ANKHD1: variants seen among roughly 807,000 people sequenced by gnomAD.
ANKHD1 encodes ankyrin repeat and KH domain containing 1.
In ANKHD1, 31 loss-of-function variants were observed where a neutral mutation model predicts 230.5. That is an observed-to-expected ratio of 0.13 (90% CI 0.10 to 0.18). The LOEUF (loss-of-function observed/expected upper bound fraction) is 0.18. Ranked by LOEUF, ANKHD1 falls within the 10% of genes least tolerant of loss-of-function variation. ANKHD1 has a pLI of 1.00. For synonymous variants in ANKHD1, 1,074 were observed against 1,117.6 expected, an observed-to-expected ratio of 0.96 and a Z score of 0.78; for missense variants, 2,256 against 3,071.3, an observed-to-expected ratio of 0.73 and a Z score of 6.27.
Position 140,429,610 on chromosome 5 carries a change from G to A in ANKHD1, c.307-6494G>A, listed in dbSNP as rs150929144. ...CCTGCATTGTATGACCACAGGACTAGAGAATACATAAACAAATATATGTAA... is the reference window on the plus strand; with the variant it reads ...CCTGCATTGTATGACCACAGGACTAAAGAATACATAAACAAATATATGTAA... On this transcript the variant is annotated intron_variant, in intron 1 of 33. Transcript: ENST00000360839. 6.6e-5 allele frequency among the ~76,000 whole-genome samples: 10 copies of A among 152,178 alleles called. No homozygotes were observed. The East Asian group carries it at 1.9e-3, about 29-fold the overall frequency.
chr5:140,507,158 C>T lies in ANKHD1; in HGVS notation c.3551+181C>T, dbSNP rs1191496931. ...ATCTCAGCTTATTTCAGTAATGTGG[C>T]TGCTTATAAAGAGGTCTCATTTCAA... On this transcript the variant is annotated intron_variant, in intron 19 of 33. Transcript: ENST00000360839. This position sits in a 1 kb window ranked among gnomAD's most constrained non-coding sequence, Gnocchi z 4.1. Among the ~76,000 whole-genome samples, 1 of 152,122 alleles carries T rather than the reference C, an allele frequency of 6.6e-6. No homozygotes were observed. The highest frequency in any genetic ancestry group is 1.9e-4 in the East Asian group (1 of 5,208).
chr5:140,523,258 C>T (rs1753443468), intron 24 of ANKHD1, among the ~76,000 whole-genome samples: 1 of 151,464 alleles, frequency 6.6e-6, no homozygotes, highest in Non-Finnish European at 1.5e-5. Flanking sequence ...AGGCATAGGT[C>T]ACCATGCCTG....
chr5:140,460,808 A>G (rs1189147789), intron 9 of ANKHD1, among the ~76,000 whole-genome samples: 1 of 152,190 alleles, frequency 6.6e-6, no homozygotes, highest in African/African-American at 2.4e-5. Flanking sequence ...GATGTGAACT[A>G]CCACACCCGG....
chr5:140,407,341 T>C (rs955124571), intron 1 of ANKHD1, among the ~76,000 whole-genome samples: 1 of 151,562 alleles, frequency 6.6e-6, no homozygotes, highest in African/African-American at 2.4e-5. Flanking sequence ...TTATTTTAAA[T>C]TTTTATTTAT....
At chr5:140,451,188 C>G (rs182133249) in intron 7 of ANKHD1, among the ~76,000 whole-genome samples, 1 of 151,570 alleles carries the variant, frequency 6.6e-6, no homozygotes. Flanking sequence ...CAAAAAACTT[C>G]AAAAATTCAA....
intron 29 of ANKHD1, among the ~76,000 whole-genome samples, chr5:140,531,718 G>A (rs1285841448): frequency 2.0e-5 from 3 of 152,094 alleles, no homozygotes; most frequent in Admixed American, 6.6e-5. Flanking sequence ...AAAGTTAGAC[G>A]TTAAGAGTGA....
At chr5:140,419,853 TTTTTCTTTC>T (rs1201642978) in intron 1 of ANKHD1, among the ~76,000 whole-genome samples, 4 of 144,150 alleles carry the variant, frequency 2.8e-5, no homozygotes, top group Admixed American at 7.0e-5. Flanking sequence ...TCTCTTTCTT[TTTTTCTTTC>T]TTTTCTTTCT....
chr5:140,425,005 AG>A (rs1772287962), intron 1 of ANKHD1, among the ~76,000 whole-genome samples: 1 of 152,248 alleles, frequency 6.6e-6, no homozygotes, highest in Non-Finnish European at 1.5e-5. Context: ...TATTAATGGT[AG>A]CCTATTATGT....
intron 1 of ANKHD1, among the ~76,000 whole-genome samples, chr5:140,407,262 T>C (rs1581197138): frequency 7.9e-6 from 1 of 126,914 alleles, no homozygotes. Flanking sequence ...GTCACTGCAC[T>C]CCAGCCTGGG....
Position 140,459,158 on chromosome 5 carries a change from T to A in ANKHD1, c.1481-6T>A. The A allele has an allele frequency of 6.3e-7, 1 of 1,575,360 alleles. No homozygotes were observed. Among genetic ancestry groups the A allele is most frequent in the Non-Finnish European group, 8.6e-7 (1 of 1,160,230 alleles). On this transcript the variant is annotated splice_region_variant and splice_polypyrimidine_tract_variant and intron_variant, in intron 8 of 33. Coordinates refer to ENST00000360839, the MANE Select transcript of ANKHD1 (RefSeq NM_017747.3). ...ACTAATTTTATCTGTTTTTATACTT[T>A]CCTAGGAGCAAATATAAATGCCCAG...
chr5:140,526,909 G>A lies in ANKHD1; in HGVS notation c.4941-19G>A. On this transcript the variant is annotated intron_variant, in intron 26 of 33. Coordinates refer to ENST00000360839, the MANE Select transcript of ANKHD1 (RefSeq NM_017747.3). Reference sequence around the variant, plus strand: ...TTAAAACTTATCTTTTATTGTACTTGCTATTTGTCTCTTCTTAGACTTGAA... The same window carrying A: ...TTAAAACTTATCTTTTATTGTACTTACTATTTGTCTCTTCTTAGACTTGAA... 2 of 1,599,926 alleles carry A rather than the reference G, an allele frequency of 1.3e-6. No homozygotes were observed. The highest frequency in any genetic ancestry group is 1.7e-6 in the Non-Finnish European group (2 of 1,175,146).
At chr5:140,531,367 G>C (rs760401893) in intron 29 of ANKHD1, 3 of 371,670 alleles carry the variant, frequency 8.1e-6, no homozygotes, top group South Asian at 5.7e-5. Context: ...GTTTACATGA[G>C]GTCAGGAGTT....
Position 140,435,815 on chromosome 5 carries a change from G to C in ANKHD1, c.307-289G>C, listed in dbSNP as rs533446267. Among the ~76,000 whole-genome samples the C allele has an allele frequency of 1.4e-4, 22 of 152,194 alleles. No homozygotes were observed. In the East Asian group the frequency reaches 4.1e-3, roughly 28 times the overall value. On this transcript the variant is annotated intron_variant, in intron 1 of 33. Transcript: ENST00000360839. ...CTCCCAAACTGCTAGGATCACAGGC[G>C]TGGGCCACTGTGACTGGCCTTAATA...
At chr5:140,508,051 A>G (rs922574384) in intron 20 of ANKHD1, 53 bp downstream of exon 20, 13 of 1,565,430 alleles carry the variant, frequency 8.3e-6, no homozygotes, top group Non-Finnish European at 9.5e-6. Context: ...TAGAAAGAAC[A>G]TGGCATTTTA....
Position 140,512,294 on chromosome 5 carries a change from T to C in ANKHD1, c.4105-534T>C, listed in dbSNP as rs540306285. Among the ~76,000 whole-genome samples, 7 of 152,038 alleles carry C rather than the reference T, an allele frequency of 4.6e-5. No individual in the cohort carries two copies. The East Asian group carries it at 1.4e-3, about 29-fold the overall frequency. ...TGATTACAGATCTTTCAACCCTTGA[T>C]AATGGCATTTAGAAAGTGTTTTATT... On this transcript the variant is annotated intron_variant, in intron 22 of 33. Transcript: ENST00000360839.
intron 1 of ANKHD1, among the ~76,000 whole-genome samples, chr5:140,415,729 C>T (rs1427407172): frequency 6.6e-6 from 1 of 151,734 alleles, no homozygotes; most frequent in Non-Finnish European, 1.5e-5. Flanking sequence ...TCAGCCACCG[C>T]ACCCAGCCGC....
chr5:140,485,397 A>AACACAGACACACAC lies in ANKHD1; in HGVS notation c.1998+154_1998+155insGACACACACACACA, dbSNP rs1751458012. On this transcript the variant is annotated intron_variant, in intron 12 of 33. Transcript: ENST00000360839. The surrounding 1 kb of genome is among the most constrained non-coding windows in gnomAD (Gnocchi z 4.8). ...CATAAGGAGACCCCATCTCTATTAA[A>AACACAGACACACAC]ACACACACACACACACACACACACA... 8 of 665,738 alleles carry AACACAGACACACAC rather than the reference A, an allele frequency of 1.2e-5. No individual in the cohort carries two copies. The highest frequency in any genetic ancestry group is 1.8e-5 in the Non-Finnish European group (8 of 438,684). The allele number at this position is 665,738 out of a possible 1,614,324, so 41.2% of individuals were successfully genotyped here.
At position 140,507,642 on chromosome 5, in the gene ANKHD1, CT is replaced by C. The variant is rs751238764; in HGVS notation, c.3552-140del. 3.0e-4 allele frequency: 311 copies of C among 1,051,282 alleles called. 2 individuals are homozygous for C. The Middle Eastern group carries it at 7.4e-3, about 25-fold the overall frequency. The allele number at this position is 1,051,282 out of a possible 1,614,324, so 65.1% of individuals were successfully genotyped here. ...TTTTAAATTGTGACATTTTCTTATT[CT>C]TTATTATTGGTCGAAACAAGTAAAA... On this transcript the variant is annotated intron_variant, in intron 19 of 33. Transcript: ENST00000360839. The surrounding 1 kb of genome is among the most constrained non-coding windows in gnomAD (Gnocchi z 4.1).
chr5:140,463,141 G>T (rs184228906), intron 9 of ANKHD1, among the ~76,000 whole-genome samples: 33 of 152,134 alleles, frequency 2.2e-4, no homozygotes, highest in Non-Finnish European at 3.8e-4. Context: ...GAGCCACTGT[G>T]CCTGGCCCTG....
Sources: gnomAD v4.1 joint callset for allele counts (sites outside exome capture counted in the v4.1 genomes callset) on GRCh38, gnomAD v4.1.1 for gene constraint, Gnocchi (gnomAD v3.1) non-coding constraint, MANE v1.5 for transcripts, NCBI Gene and HGNC (gene_info 2026-07-23, HGNC 2026-07-21) for gene names.